DMD: variants seen among roughly 807,000 people sequenced by gnomAD.
DMD encodes dystrophin, also known as mutant dystrophin.
A neutral mutation model predicts 330.1 loss-of-function variants in DMD; 63 were observed. That is an observed-to-expected ratio of 0.19 (90% CI 0.16 to 0.24). The LOEUF (loss-of-function observed/expected upper bound fraction) is 0.24. DMD is among the 10% of genes least tolerant of loss of function. The pLI, the probability that DMD is intolerant of heterozygous loss-of-function variation, is 1.00. For missense variants in DMD, 3,344 were observed against 2,684.1 expected (o/e 1.25, Z -5.43); for synonymous variants, 1,223 against 959.8 (o/e 1.27, Z -5.07).
chrX:32,326,262 C>T (rs187408558), intron 41 of DMD, among the ~76,000 whole-genome samples: 1 of 111,881 alleles, frequency 8.9e-6, no homozygotes, highest in African/African-American at 3.3e-5. Context: ...ATTTCATATA[C>T]CTGCAATAAA....
chrX:31,781,021 G>T (rs1462170171), intron 50 of DMD, among the ~76,000 whole-genome samples: 2 of 111,964 alleles, frequency 1.8e-5, no homozygotes, highest in African/African-American at 6.5e-5. Context: ...CATTTTAATA[G>T]ATTCTTTCTT....
At chrX:32,770,048 G>T (rs1341577548) in intron 7 of DMD, among the ~76,000 whole-genome samples, 2 of 111,713 alleles carry the variant, frequency 1.8e-5, no homozygotes, top group African/African-American at 6.5e-5. Context: ...TGTGGTTCAG[G>T]AACATGTATT....
At chrX:31,244,445 T>G (rs762262739) in intron 63 of DMD, among the ~76,000 whole-genome samples, 17 of 112,267 alleles carry the variant, frequency 1.5e-4, no homozygotes, top group African/African-American at 5.5e-4. Flanking sequence ...CAGAAGGTAT[T>G]ATAACACTTT....
At chrX:33,200,250 GT>G (rs902286550) in intron 1 of DMD, among the ~76,000 whole-genome samples, 41 of 108,622 alleles carry the variant, frequency 3.8e-4, no homozygotes, top group African/African-American at 8.7e-4. Context: ...ATAATAAGTT[GT>G]TTTTTTTTCC....
chrX:32,017,920 CT>C (rs960076475), intron 44 of DMD, among the ~76,000 whole-genome samples: 2 of 111,499 alleles, frequency 1.8e-5, no homozygotes, highest in African/African-American at 6.5e-5. Flanking sequence ...TAATGCCATG[CT>C]TTTTTCCCCC....
intron 44 of DMD, among the ~76,000 whole-genome samples, chrX:31,985,312 C>G (rs193284124): frequency 2.4e-4 from 27 of 112,036 alleles, no homozygotes; most frequent in African/African-American, 8.4e-4. Context: ...CAACAGTATC[C>G]CCTTGCCAAT....
At chrX:32,066,908 T>C (rs1225799537) in intron 44 of DMD, among the ~76,000 whole-genome samples, 1 of 111,141 alleles carries the variant, frequency 9.0e-6, no homozygotes, top group East Asian at 2.8e-4. Flanking sequence ...GAGAAGGAAG[T>C]TCCTAAATTC....
chrX:31,421,932 T>C lies in DMD; in HGVS notation c.9084+22549A>G, dbSNP rs865812073. Among the ~76,000 whole-genome samples, 42 of 82,575 alleles carry C rather than the reference T, an allele frequency of 5.1e-4. 1 individual carries two copies. The highest frequency in any genetic ancestry group is 2.1e-3 in the South Asian group (4 of 1,896). The allele number at this position is 82,575 out of a possible 115,157, so 71.7% of individuals were successfully genotyped here. Reference sequence around the variant, plus strand: ...ACACACACATATATATATATATATATACACACACACATATATATATATATA... The same window carrying C: ...ACACACACATATATATATATATATACACACACACACATATATATATATATA... On this transcript the variant is annotated intron_variant, in intron 60 of 78. Coordinates refer to ENST00000357033, the MANE Select transcript of DMD (RefSeq NM_004006.3).
At chrX:31,547,957 T>C (rs1427456547) in intron 55 of DMD, among the ~76,000 whole-genome samples, 1 of 111,877 alleles carries the variant, frequency 8.9e-6, no homozygotes, top group Non-Finnish European at 1.9e-5. Context: ...CTAGAATGAC[T>C]TGAATGGTTT....
In DMD at chrX:32,557,979, C is replaced by T. The variant is rs190710084; in HGVS notation, c.1992+7723G>A. On this transcript the variant is annotated intron_variant, in intron 16 of 78. Coordinates refer to ENST00000357033, the MANE Select transcript of DMD (RefSeq NM_004006.3). The stretch of plus-strand genomic sequence containing the variant: ...ATTTATATTAATAATTAATTTATTA[C>T]TGTAAGGTAATAAAATTTCTTGAAT... Among the ~76,000 whole-genome samples the T allele has an allele frequency of 7.2e-3, 790 of 109,252 alleles. 15 individuals are homozygous for T. Among genetic ancestry groups the T allele is most frequent in the Admixed American group, 0.061 (619 of 10,097 alleles). The allele number at this position is 109,252 out of a possible 115,157, so 94.9% of individuals were successfully genotyped here. A position where few individuals can be genotyped will look rare whatever the true frequency, so the allele number is the denominator to read the frequency against.
chrX:31,831,412 T>A (rs1446511947), intron 49 of DMD, among the ~76,000 whole-genome samples: 3 of 112,294 alleles, frequency 2.7e-5, no homozygotes, highest in Non-Finnish European at 5.6e-5. Context: ...TTGAATATAA[T>A]TAGACATTTG....
chrX:32,233,606 T>G (rs1361217377), intron 43 of DMD, among the ~76,000 whole-genome samples: 2 of 77,271 alleles, frequency 2.6e-5, no homozygotes, highest in Non-Finnish European at 5.2e-5. Flanking sequence ...TTCTTTTATT[T>G]ATTTATTTAT....
At chrX:31,488,838 A>G in intron 57 of DMD, among the ~76,000 whole-genome samples, 1 of 111,807 alleles carries the variant, frequency 8.9e-6, no homozygotes, top group Non-Finnish European at 1.9e-5. Context: ...AAATCAGATC[A>G]CATCATCCCT....
At chrX:32,401,090 C>T (rs753118945) in intron 30 of DMD, among the ~76,000 whole-genome samples, 15 of 105,233 alleles carry the variant, frequency 1.4e-4, no homozygotes, top group Non-Finnish European at 7.7e-5. Flanking sequence ...GACAAAAAAC[C>T]AAACACTGCA....
chrX:32,033,599 C>CAGAAAGAAAGAAAGAA (rs1247931001), intron 44 of DMD, among the ~76,000 whole-genome samples: 4 of 33,130 alleles, frequency 1.2e-4, no homozygotes, highest in Non-Finnish European at 1.6e-4. Flanking sequence ...GACAGACAGA[C>CAGAAAGAAAGAAAGAA]AGACAGAAAG....
chrX:32,890,001 A>C (rs1267163045), intron 2 of DMD, among the ~76,000 whole-genome samples: 1 of 111,884 alleles, frequency 8.9e-6, no homozygotes, highest in Non-Finnish European at 1.9e-5. Flanking sequence ...TAGGCTTTAT[A>C]TATAAATTAA....
intron 2 of DMD, among the ~76,000 whole-genome samples, chrX:33,002,799 C>G (rs2147437814): frequency 1.1e-5 from 1 of 91,533 alleles, no homozygotes; most frequent in South Asian, 6.1e-4. Flanking sequence ...CCTTAGGTTC[C>G]CTTCCTCCAG....
intron 47 of DMD, among the ~76,000 whole-genome samples, chrX:31,886,016 T>C (rs2094149469): frequency 9.0e-6 from 1 of 110,822 alleles, no homozygotes; most frequent in African/African-American, 3.3e-5. Flanking sequence ...ATTTATTTTA[T>C]AATAGAAGCA....
intron 17 of DMD, among the ~76,000 whole-genome samples, chrX:32,534,579 T>C (rs1334060580): frequency 9.0e-6 from 1 of 111,282 alleles, no homozygotes; most frequent in Admixed American, 9.6e-5. Context: ...GCCAGTTAAA[T>C]CAATTTTCAT....
Sources: gnomAD v4.1 joint callset for allele counts (sites outside exome capture counted in the v4.1 genomes callset) on GRCh38, gnomAD v4.1.1 for gene constraint, MANE v1.5 for transcripts, NCBI Gene and HGNC (gene_info 2026-07-23, HGNC 2026-07-21) for gene names.